The following LRP1B variants were observed in gnomAD, a reference collection of about 807,000 sequenced individuals.
LRP1B encodes the protein low-density lipoprotein receptor-related protein 1B.
LRP1B carries 217 observed loss-of-function variants against 556.6 expected under a neutral mutation model. That is an observed-to-expected ratio of 0.39 (90% CI 0.35 to 0.44). The LOEUF is 0.44. Ranked by LOEUF, LRP1B falls within the 20% of genes least tolerant of loss-of-function variation. The pLI is 1.00. For missense variants in LRP1B, 5,053 were observed against 5,620.8 expected (o/e 0.90, Z 3.23); for synonymous variants, 2,047 against 1,865.8 (o/e 1.10, Z -2.50).
chr2:141,101,167 GA>G (rs1700451044), intron 7 of LRP1B, among the ~76,000 whole-genome samples: 1 of 152,112 alleles, frequency 6.6e-6, no homozygotes, highest in Non-Finnish European at 1.5e-5. Context: ...CAGAGATCAT[GA>G]CATTGTCGGA....
chr2:140,934,747 A>G (rs893495398), intron 20 of LRP1B, among the ~76,000 whole-genome samples: 48 of 152,222 alleles, frequency 3.2e-4, no homozygotes, highest in African/African-American at 9.6e-4. Flanking sequence ...GGTGGTGGCC[A>G]TTGTCATTGC....
intron 7 of LRP1B, among the ~76,000 whole-genome samples, chr2:141,087,107 G>C (rs1241707569): frequency 3.3e-5 from 5 of 152,118 alleles, no homozygotes; most frequent in Non-Finnish European, 5.9e-5. Context: ...GACTAGAGTT[G>C]ATGAAACCAG....
At chr2:142,052,002 G>A (rs572231005) in intron 1 of LRP1B, among the ~76,000 whole-genome samples, 139 of 152,116 alleles carry the variant, frequency 9.1e-4, no homozygotes, top group Non-Finnish European at 1.6e-3. Context: ...CTCCCTTACG[G>A]TATTTAAATA....
intron 20 of LRP1B, among the ~76,000 whole-genome samples, chr2:140,948,537 G>A (rs2105296708): frequency 1.3e-5 from 2 of 152,330 alleles, no homozygotes; most frequent in South Asian, 4.1e-4. Context: ...AATGGAGAAT[G>A]AGAGATAATA....
Position 142,085,957 on chromosome 2 carries a change from G to C in LRP1B, c.82+44691C>G, listed in dbSNP as rs139138355. Among the ~76,000 whole-genome samples the C allele has an allele frequency of 3.1e-3, 469 of 152,260 alleles. 9 individuals are homozygous for C. The highest frequency in any genetic ancestry group is 0.026 in the Admixed American group (404 of 15,284). ...TTTGATCCACCTCTCAGTGTATCCT[G>C]CTCATTCTCCCTTACTGTCTATAGG... On this transcript the variant is annotated intron_variant, in intron 1 of 90. Transcript: ENST00000389484.
chr2:140,605,492 C>A (rs1438053942), intron 41 of LRP1B, among the ~76,000 whole-genome samples: 2 of 152,096 alleles, frequency 1.3e-5, no homozygotes, highest in Non-Finnish European at 2.9e-5. Context: ...CTGTAAAAAT[C>A]TTCTAAAAGT....
At chr2:142,064,759 C>T (rs1206038308) in intron 1 of LRP1B, among the ~76,000 whole-genome samples, 1 of 151,462 alleles carries the variant, frequency 6.6e-6, no homozygotes, top group East Asian at 1.9e-4. Flanking sequence ...CTGTATCTAT[C>T]ATTTTTTGTT....
chr2:141,917,125 T>G (rs1250457348), intron 1 of LRP1B, among the ~76,000 whole-genome samples: 2 of 152,178 alleles, frequency 1.3e-5, no homozygotes, highest in South Asian at 2.1e-4. Context: ...TGAAGAGAGA[T>G]AAATTGAGAA....
intron 60 of LRP1B, among the ~76,000 whole-genome samples, chr2:140,460,570 A>G (rs1687277341): frequency 6.6e-6 from 1 of 152,208 alleles, no homozygotes; most frequent in South Asian, 2.1e-4. Flanking sequence ...GTCTATATAA[A>G]ACTGCATTTG....
chr2:141,034,277 CT>C (rs562524463), intron 11 of LRP1B, among the ~76,000 whole-genome samples: 1 of 152,118 alleles, frequency 6.6e-6, no homozygotes, highest in Non-Finnish European at 1.5e-5. Flanking sequence ...TTTCCCAGGA[CT>C]GTTATCAATT....
intron 79 of LRP1B, among the ~76,000 whole-genome samples, chr2:140,332,327 A>T (rs2105078998): frequency 6.6e-6 from 1 of 152,116 alleles, no homozygotes; most frequent in Non-Finnish European, 1.5e-5. Flanking sequence ...TCTCTAACGT[A>T]AATTTGTGAG....
intron 1 of LRP1B, among the ~76,000 whole-genome samples, chr2:141,897,505 C>T (rs568377029): frequency 1.3e-5 from 2 of 152,174 alleles, no homozygotes; most frequent in Middle Eastern, 3.4e-3. Flanking sequence ...TAATATGAGT[C>T]TAAATGGAGG....
chr2:141,568,561 G>A (rs1442128720), intron 2 of LRP1B, among the ~76,000 whole-genome samples: 1 of 151,102 alleles, frequency 6.6e-6, no homozygotes, highest in Non-Finnish European at 1.5e-5. Context: ...ATTCAACATT[G>A]CTAACAAAAT....
intron 6 of LRP1B, 46 bp downstream of exon 6, chr2:141,229,137 T>G: frequency 6.3e-6 from 10 of 1,594,750 alleles, no homozygotes; most frequent in South Asian, 1.1e-5. Context: ...GGTCTGTAAA[T>G]GAAATCAGTA....
Position 141,404,659 on chromosome 2 carries a change from T to G in LRP1B, c.343+75737A>C, listed in dbSNP as rs530851001. On this transcript the variant is annotated intron_variant, in intron 3 of 90. Transcript: ENST00000389484. ...ATCATCCAATGGAAATAATGCTGAA[T>G]GTATAGTGGCATAATTTGACTCAGA... Among the ~76,000 whole-genome samples the G allele has an allele frequency of 8.5e-5, 13 of 152,324 alleles. No individual in the cohort carries two copies. The South Asian group carries it at 2.7e-3, about 32-fold the overall frequency.
Position 140,371,293 on chromosome 2 carries a change from C to A in LRP1B, c.10769-8G>T, listed in dbSNP as rs779785127. 4.7e-6 allele frequency: 7 copies of A among 1,484,384 alleles called. No homozygotes were observed. In the South Asian group the frequency reaches 5.3e-5, roughly 11 times the overall value. The allele number at this position is 1,484,384 out of a possible 1,614,324, so 92.0% of individuals were successfully genotyped here. On this transcript the variant is annotated splice_polypyrimidine_tract_variant and splice_region_variant and intron_variant, in intron 69 of 90. Transcript: ENST00000389484. ...ATGAGCAAGTAGGAGAAGCTGAATA[C>A]AATTATAAATTTGAAATTGAGATAG...
chr2:141,614,690 T>C (rs1295240052), intron 2 of LRP1B, among the ~76,000 whole-genome samples: 2 of 151,740 alleles, frequency 1.3e-5, no homozygotes, highest in Admixed American at 1.3e-4. Context: ...ATGCCAAAGA[T>C]TGTTTGCCTT....
intron 6 of LRP1B, among the ~76,000 whole-genome samples, chr2:141,195,500 A>ATAAC (rs1254019284): frequency 6.6e-6 from 1 of 152,148 alleles, no homozygotes; most frequent in African/African-American, 2.4e-5. Flanking sequence ...GCAGCAAAAG[A>ATAAC]TAACTCAGTA....
chr2:140,810,241 AT>A (rs1239697997), intron 32 of LRP1B, among the ~76,000 whole-genome samples: 2 of 152,102 alleles, frequency 1.3e-5, no homozygotes, highest in Non-Finnish European at 2.9e-5. Context: ...CTACTCTTAA[AT>A]TTTTTAGTGA....
Sources: gnomAD v4.1 joint callset for allele counts (sites outside exome capture counted in the v4.1 genomes callset) on GRCh38, gnomAD v4.1.1 for gene constraint, MANE v1.5 for transcripts, NCBI Gene and HGNC (gene_info 2026-07-23, HGNC 2026-07-21) for gene names.